ARSG: variants seen among roughly 807,000 people sequenced by gnomAD.
The protein encoded by ARSG is ASG.
Under a neutral mutation model 50.5 loss-of-function variants are expected in ARSG, and 37 were observed. The ratio of observed to expected loss-of-function variants is 0.73; its 90% CI spans 0.56 to 0.96. ARSG has a LOEUF of 0.96. ARSG is among the 50% of genes least tolerant of loss of function. The pLI, the probability that ARSG is intolerant of heterozygous loss-of-function variation, is 0.00. For missense variants in ARSG, 629 were observed against 675.3 expected (o/e 0.93, Z 0.76); for synonymous variants, 225 against 254.6 (o/e 0.88, Z 1.11).
chr17:68,313,681 C>CTTT lies in ARSG; in HGVS notation c.218+5971_218+5972insTTT, dbSNP rs10660116. ...AGCTGTATTACGTATCTCTCTCTCT[C>CTTT]TCTTTTTTTTTTTTTTGAGACACAG... is the stretch of plus-strand genomic sequence containing the variant. On this transcript the variant is annotated intron_variant, in intron 2 of 11. Coordinates refer to ENST00000621439, the MANE Select transcript of ARSG (RefSeq NM_001267727.2). 9.0e-4 allele frequency among the ~76,000 whole-genome samples: 111 copies of CTTT among 123,380 alleles called. 6 individuals are homozygous for CTTT. The highest frequency in any genetic ancestry group is 1.8e-3 in the South Asian group (7 of 3,978). The allele number at this position is 123,380 out of a possible 152,430, so 80.9% of individuals were successfully genotyped here.
At chr17:68,352,151 GA>G (rs1568506956) in intron 5 of ARSG, among the ~76,000 whole-genome samples, 84 of 131,608 alleles carry the variant, frequency 6.4e-4, no homozygotes, top group Admixed American at 1.3e-3. Context: ...AGGAGAGAGA[GA>G]GAGAGAGAGA....
chr17:68,376,163 G>T (rs909151055), intron 8 of ARSG, among the ~76,000 whole-genome samples: 1 of 151,968 alleles, frequency 6.6e-6, no homozygotes, highest in African/African-American at 2.4e-5. Flanking sequence ...AGGCTGGAGT[G>T]CAATGGCGCG....
chr17:68,288,538 C>A (rs1003237503), upstream of ARSG, among the ~76,000 whole-genome samples: 8 of 152,312 alleles, frequency 5.3e-5, no homozygotes, highest in East Asian at 1.5e-3. Context: ...TCCTGCCCAT[C>A]AACCCCTGCT....
At chr17:68,341,516 A>G (rs1310396057) in intron 2 of ARSG, among the ~76,000 whole-genome samples, 1 of 151,904 alleles carries the variant, frequency 6.6e-6, no homozygotes, top group Non-Finnish European at 1.5e-5. Flanking sequence ...ATTGATTCCA[A>G]CCTCTGTGCC....
At chr17:68,300,168 A>T (rs1452844502) in intron 1 of ARSG, among the ~76,000 whole-genome samples, 1 of 151,974 alleles carries the variant, frequency 6.6e-6, no homozygotes, top group Non-Finnish European at 1.5e-5. Context: ...CTGGCCTCTA[A>T]CCCCTGGCCG....
At chr17:68,377,769 T>C (rs2080222929) in intron 8 of ARSG, among the ~76,000 whole-genome samples, 1 of 152,224 alleles carries the variant, frequency 6.6e-6, no homozygotes, top group African/African-American at 2.4e-5. Context: ...TTTAAAAGTG[T>C]TCAGGAACTC....
chr17:68,414,065 C>T (rs1335565009), intron 11 of ARSG: 1 of 158,200 alleles, frequency 6.3e-6, no homozygotes, highest in Non-Finnish European at 1.4e-5. Flanking sequence ...ATGCAGAAAT[C>T]ACCCGTCTTC....
chr17:68,306,436 A>G (rs1464756732), intron 1 of ARSG, among the ~76,000 whole-genome samples: 1 of 152,220 alleles, frequency 6.6e-6, no homozygotes, highest in Non-Finnish European at 1.5e-5. Context: ...ACATGCCTGT[A>G]ATCCCAGCTA....
chr17:68,424,115 C>A (rs1040136277), downstream of ARSG, among the ~76,000 whole-genome samples: 2 of 152,126 alleles, frequency 1.3e-5, no homozygotes, highest in Non-Finnish European at 2.9e-5. Context: ...GCCATGAGAA[C>A]CCAAAGGTAA....
At chr17:68,344,910 A>G (rs2078437240) in intron 3 of ARSG, among the ~76,000 whole-genome samples, 1 of 152,152 alleles carries the variant, frequency 6.6e-6, no homozygotes, top group Admixed American at 6.5e-5. Context: ...TGCCTCTGCT[A>G]TTGGCCCTTT....
chr17:68,302,935 T>C (rs2076473630), intron 1 of ARSG, among the ~76,000 whole-genome samples: 1 of 152,180 alleles, frequency 6.6e-6, no homozygotes, highest in Non-Finnish European at 1.5e-5. Flanking sequence ...TGCCAAAGAC[T>C]CTGCCTTTCT....
intron 2 of ARSG, among the ~76,000 whole-genome samples, chr17:68,331,523 C>T (rs138085390): frequency 1.5e-3 from 226 of 152,168 alleles, no homozygotes; most frequent in African/African-American, 5.2e-3. Context: ...GGATTACAGG[C>T]GTGAGCCACT....
chr17:68,403,172 T>C (rs540413611), intron 11 of ARSG, among the ~76,000 whole-genome samples: 196 of 152,360 alleles, frequency 1.3e-3, no homozygotes, highest in Non-Finnish European at 2.3e-3. Flanking sequence ...CAGATATTTG[T>C]TGTTTTCGGT....
At chr17:68,310,625 G>A (rs1358251666) in intron 2 of ARSG, among the ~76,000 whole-genome samples, 5 of 152,196 alleles carry the variant, frequency 3.3e-5, no homozygotes, top group South Asian at 2.1e-4. Flanking sequence ...TGCACTGGGC[G>A]AAACTCCTCC....
At chr17:68,375,714 T>C (rs1419904784) in intron 8 of ARSG, among the ~76,000 whole-genome samples, 2 of 152,006 alleles carry the variant, frequency 1.3e-5, no homozygotes, top group East Asian at 1.9e-4. Flanking sequence ...CAGCCAGGAA[T>C]TGGCAGGAGA....
At chr17:68,362,924 C>G (rs1277401212) in intron 6 of ARSG, among the ~76,000 whole-genome samples, 1 of 152,108 alleles carries the variant, frequency 6.6e-6, no homozygotes, top group Non-Finnish European at 1.5e-5. Context: ...CCAGTTAGAG[C>G]TTAATAAATA....
intron 10 of ARSG, among the ~76,000 whole-genome samples, chr17:68,397,920 C>T (rs982776154): frequency 8.5e-5 from 13 of 152,108 alleles, no homozygotes; most frequent in African/African-American, 3.1e-4. Context: ...GCGTTCACCA[C>T]CACGCCTAGA....
At chr17:68,450,643 A>G in the ARSG span, 3 of 1,488,390 alleles carry the variant, frequency 2.0e-6, no homozygotes, top group Middle Eastern at 1.8e-4. Context: ...CTTGTTTTAC[A>G]GACATTGATC....
chr17:68,426,254 G>GCCCCCCCCCCCCC, downstream of ARSG: 4 of 816,900 alleles, frequency 4.9e-6, no homozygotes, highest in East Asian at 3.5e-5. Context: ...GGGAGCGGGG[G>GCCCCCCCCCCCCC]CTCAAATAAA....
Sources: gnomAD v4.1 joint callset for allele counts (sites outside exome capture counted in the v4.1 genomes callset) on GRCh38, gnomAD v4.1.1 for gene constraint, MANE v1.5 for transcripts, NCBI Gene and HGNC (gene_info 2026-07-23, HGNC 2026-07-21) for gene names.